GTF2F2: variants seen among roughly 807,000 people sequenced by gnomAD.
GTF2F2 encodes the protein general transcription factor IIF subunit 2.
A neutral mutation model predicts 42.2 loss-of-function variants in GTF2F2; 23 were observed. The ratio of observed to expected loss-of-function variants is 0.55; its 90% CI spans 0.39 to 0.77. The LOEUF is 0.77. Ranked by LOEUF, GTF2F2 falls within the 30% of genes least tolerant of loss-of-function variation. The pLI, the probability that GTF2F2 is intolerant of heterozygous loss-of-function variation, is 0.00. For synonymous variants in GTF2F2, 105 were observed against 100.8 expected (o/e 1.04, Z -0.25); for missense variants, 261 against 287.2 (o/e 0.91, Z 0.66).
chr13:45,143,872 C>T (rs965880450), intron 2 of GTF2F2, among the ~76,000 whole-genome samples: 1 of 152,134 alleles, frequency 6.6e-6, no homozygotes, highest in African/African-American at 2.4e-5. Flanking sequence ...TTTTATCAAG[C>T]AATTTATATG....
intron 4 of GTF2F2, among the ~76,000 whole-genome samples, chr13:45,176,022 C>T (rs2138150305): frequency 6.6e-6 from 1 of 152,314 alleles, no homozygotes; most frequent in African/African-American, 2.4e-5. Context: ...TTTTCTAAGA[C>T]TGATCCACGT....
intron 1 of GTF2F2, among the ~76,000 whole-genome samples, chr13:45,134,810 T>G (rs1332798684): frequency 1.3e-5 from 2 of 152,140 alleles, no homozygotes; most frequent in Non-Finnish European, 2.9e-5. Context: ...GATCCTGGCT[T>G]CTTGAGTTAT....
intron 4 of GTF2F2, among the ~76,000 whole-genome samples, chr13:45,161,687 C>CA (rs1273138991): frequency 1.3e-5 from 2 of 152,074 alleles, no homozygotes; most frequent in African/African-American, 2.4e-5. Flanking sequence ...ACCAAAAATA[C>CA]AAAAAATTAG....
intron 4 of GTF2F2, among the ~76,000 whole-genome samples, chr13:45,187,510 A>G (rs531884092): frequency 6.6e-6 from 1 of 152,332 alleles, no homozygotes; most frequent in African/African-American, 2.4e-5. Flanking sequence ...AGAAGTAGAA[A>G]TACAGTCCAC....
At chr13:45,273,962 T>C (rs1876913681) in intron 7 of GTF2F2, among the ~76,000 whole-genome samples, 2 of 152,248 alleles carry the variant, frequency 1.3e-5, no homozygotes, top group African/African-American at 4.8e-5. Flanking sequence ...TGTTGGGCTC[T>C]GCGTTTAAGA....
chr13:45,164,588 G>A (rs1197787245), intron 4 of GTF2F2, among the ~76,000 whole-genome samples: 3 of 152,124 alleles, frequency 2.0e-5, no homozygotes, highest in African/African-American at 4.8e-5. Flanking sequence ...GCTGGGTATG[G>A]TGGCATGCAC....
rs185010607 is a variant in GTF2F2 at position 45,177,620 on chromosome 13, A to G, written c.304+25789A>G. ...TATGTGTTCAAATGACCCTTATTTT[A>G]CTTAATAATGGCCCCAAAGTATGAG... is the stretch of plus-strand genomic sequence containing the variant. On this transcript the variant is annotated intron_variant, in intron 4 of 7. Coordinates refer to ENST00000340473, the MANE Select transcript of GTF2F2 (RefSeq NM_004128.3). 1.8e-3 allele frequency among the ~76,000 whole-genome samples: 271 copies of G among 152,268 alleles called. 1 individual carries two copies. Among genetic ancestry groups the G allele is most frequent in the African/African-American group, 6.2e-3 (256 of 41,552 alleles).
At chr13:45,211,768 G>A in intron 5 of GTF2F2, among the ~76,000 whole-genome samples, 1 of 150,784 alleles carries the variant, frequency 6.6e-6, no homozygotes, top group African/African-American at 2.4e-5. Flanking sequence ...TGTATTTTTA[G>A]GAGAGACGGG....
intron 5 of GTF2F2, among the ~76,000 whole-genome samples, chr13:45,223,602 G>T (rs1472022603): frequency 6.6e-6 from 1 of 152,076 alleles, no homozygotes; most frequent in Non-Finnish European, 1.5e-5. Context: ...CATTTCAGTA[G>T]CACATTTTTT....
chr13:45,240,001 G>A (rs1237355161), intron 5 of GTF2F2, among the ~76,000 whole-genome samples: 6 of 149,894 alleles, frequency 4.0e-5, no homozygotes, highest in Non-Finnish European at 3.0e-5. Context: ...ATTCAACTCA[G>A]TATTAAGTCT....
intron 6 of GTF2F2, among the ~76,000 whole-genome samples, chr13:45,263,259 A>T (rs574384756): frequency 9.9e-4 from 148 of 149,022 alleles, no homozygotes; most frequent in African/African-American, 3.5e-3. Context: ...ACGGAGTCTC[A>T]CTCTGTCACC....
chr13:45,188,909 T>A (rs1350491183), intron 4 of GTF2F2, among the ~76,000 whole-genome samples: 2 of 143,508 alleles, frequency 1.4e-5, no homozygotes, highest in East Asian at 4.0e-4. Context: ...GATGATTCAC[T>A]TTTTTTTTTT....
At chr13:45,220,510 T>C (rs570680200) in intron 5 of GTF2F2, among the ~76,000 whole-genome samples, 3 of 152,320 alleles carry the variant, frequency 2.0e-5, no homozygotes, top group East Asian at 3.9e-4. Flanking sequence ...TCCATACTTA[T>C]ACTACCATAT....
In GTF2F2 at chr13:45,275,000, G is replaced by A. The variant is rs1350843144; in HGVS notation, c.630+7624G>A. ...TAATCAATTTTAGAACATTTCCATT[G>A]CCCTAAAAAGAAACTTCATACCCAT... On this transcript the variant is annotated intron_variant, in intron 7 of 7. Transcript: ENST00000340473. 6.6e-5 allele frequency among the ~76,000 whole-genome samples: 10 copies of A among 151,676 alleles called. 1 individual carries two copies. The highest frequency in any genetic ancestry group is 2.2e-4 in the African/African-American group (9 of 41,330).
chr13:45,260,572 A>G (rs975288866), intron 6 of GTF2F2, among the ~76,000 whole-genome samples: 2 of 152,230 alleles, frequency 1.3e-5, no homozygotes, highest in Admixed American at 1.3e-4. Context: ...ATTTCTGCAA[A>G]CAATAATCTA....
intron 5 of GTF2F2, among the ~76,000 whole-genome samples, chr13:45,221,606 C>T (rs1180381016): frequency 6.6e-6 from 1 of 152,182 alleles, no homozygotes; most frequent in Non-Finnish European, 1.5e-5. Flanking sequence ...CTTCATGAAG[C>T]TGGCCCTGCC....
intron 5 of GTF2F2, among the ~76,000 whole-genome samples, chr13:45,239,664 C>T (rs1875180268): frequency 6.6e-6 from 1 of 152,214 alleles, no homozygotes; most frequent in Non-Finnish European, 1.5e-5. Flanking sequence ...TTTCGGAACA[C>T]ATTTGAATCA....
chr13:45,141,898 A>G (rs920334337), intron 2 of GTF2F2, among the ~76,000 whole-genome samples: 1 of 152,080 alleles, frequency 6.6e-6, no homozygotes, highest in Non-Finnish European at 1.5e-5. Flanking sequence ...GTATTTTTCT[A>G]ACCCCTTTAG....
At chr13:45,202,318 C>T (rs887554699) in intron 4 of GTF2F2, among the ~76,000 whole-genome samples, 15 of 152,138 alleles carry the variant, frequency 9.9e-5, no homozygotes, top group East Asian at 5.8e-4. Flanking sequence ...ACCCAGGAGG[C>T]GGAGGTTGCG....
Sources: gnomAD v4.1 joint callset for allele counts (sites outside exome capture counted in the v4.1 genomes callset) on GRCh38, gnomAD v4.1.1 for gene constraint, MANE v1.5 for transcripts, NCBI Gene and HGNC (gene_info 2026-07-23, HGNC 2026-07-21) for gene names.